DGKB: variants seen among roughly 807,000 people sequenced by gnomAD.
DGKB encodes 90 kDa diacylglycerol kinase.
A neutral mutation model predicts 114.3 loss-of-function variants in DGKB; 67 were observed. The observed-to-expected ratio is 0.59, with a 90% confidence interval of 0.48 to 0.72. The LOEUF is 0.72. Among genes scored for constraint, DGKB ranks in the 30% least tolerant of loss-of-function variants. The pLI is 0.00. For missense variants in DGKB, 907 were observed against 975.2 expected (o/e 0.93, Z 0.93); for synonymous variants, 398 against 323.1 (o/e 1.23, Z -2.49).
At chr7:14,432,976 A>G (rs1828692108) in intron 21 of DGKB, among the ~76,000 whole-genome samples, 1 of 152,190 alleles carries the variant, frequency 6.6e-6, no homozygotes, top group African/African-American at 2.4e-5. Flanking sequence ...TAATAAACAC[A>G]CATGGTAAGA....
At chr7:14,557,810 A>G (rs901181072) in intron 20 of DGKB, among the ~76,000 whole-genome samples, 10 of 151,550 alleles carry the variant, frequency 6.6e-5, no homozygotes, top group Admixed American at 4.6e-4. Flanking sequence ...TTCCAAATTT[A>G]TTTCATTGTC....
intron 17 of DGKB, among the ~76,000 whole-genome samples, chr7:14,603,906 A>G (rs989940391): frequency 6.6e-6 from 1 of 152,156 alleles, no homozygotes; most frequent in Admixed American, 6.6e-5. Flanking sequence ...GAAGGGGAAA[A>G]GTAATGTCAC....
In DGKB at chr7:14,200,777, C is replaced by T. The variant is rs146175701; in HGVS notation, c.2123-22626G>A. ...TAAAAAAAACGTAATGTAGCATTGT[C>T]AAAAAGGGAGAGTGTTTAACTCTAT... On this transcript the variant is annotated intron_variant, in intron 23 of 25. Coordinates refer to ENST00000402815, the MANE Select transcript of DGKB (RefSeq NM_001350709.2). 3.7e-3 allele frequency among the ~76,000 whole-genome samples: 564 copies of T among 151,842 alleles called. 1 individual carries two copies. Among genetic ancestry groups the T allele is most frequent in the African/African-American group, 0.013 (537 of 41,452 alleles).
At chr7:14,973,467 T>C (rs1377442481) in intron 1 of DGKB, among the ~76,000 whole-genome samples, 1 of 151,516 alleles carries the variant, frequency 6.6e-6, no homozygotes, top group Non-Finnish European at 1.5e-5. Flanking sequence ...AATCATACTA[T>C]TTCTTTTTGT....
At chr7:14,539,677 C>T (rs190712172) in intron 20 of DGKB, among the ~76,000 whole-genome samples, 45 of 152,166 alleles carry the variant, frequency 3.0e-4, no homozygotes, top group African/African-American at 9.9e-4. Context: ...AAGCACAGTC[C>T]TAGAATGGCT....
intron 23 of DGKB, among the ~76,000 whole-genome samples, chr7:14,228,879 T>G (rs1791257870): frequency 7.9e-6 from 1 of 127,204 alleles, no homozygotes; most frequent in South Asian, 2.4e-4. Context: ...GCATCAGTTT[T>G]TTTTCTGTGT....
chr7:14,944,283 T>C (rs1433423998), intron 1 of DGKB, among the ~76,000 whole-genome samples: 1 of 151,890 alleles, frequency 6.6e-6, no homozygotes, highest in East Asian at 1.9e-4. Context: ...ATTTATTTTG[T>C]ATCATTTAAC....
At chr7:14,173,264 A>T (rs192765798) in intron 25 of DGKB, among the ~76,000 whole-genome samples, 1 of 152,300 alleles carries the variant, frequency 6.6e-6, no homozygotes, top group East Asian at 1.9e-4. Flanking sequence ...CTGATCTTTG[A>T]ACTCAATATT....
At chr7:14,899,907 T>C (rs1040868393) in intron 1 of DGKB, among the ~76,000 whole-genome samples, 2 of 152,158 alleles carry the variant, frequency 1.3e-5, no homozygotes, top group Non-Finnish European at 2.9e-5. Context: ...GTTAGTCACA[T>C]CGAGTGGTAA....
chr7:14,413,070 G>T (rs1433478169), intron 21 of DGKB, among the ~76,000 whole-genome samples: 2 of 152,038 alleles, frequency 1.3e-5, no homozygotes, highest in Non-Finnish European at 2.9e-5. Flanking sequence ...GACTAGGATG[G>T]AGTGAAATGG....
At chr7:14,767,141 T>A (rs1317968814) in intron 2 of DGKB, among the ~76,000 whole-genome samples, 10 of 150,346 alleles carry the variant, frequency 6.7e-5, no homozygotes, top group African/African-American at 1.7e-4. Context: ...TAAATTTTTT[T>A]AAAAAAAGAG....
intron 21 of DGKB, among the ~76,000 whole-genome samples, chr7:14,461,545 C>T (rs1833085005): frequency 6.6e-6 from 1 of 152,044 alleles, no homozygotes; most frequent in Non-Finnish European, 1.5e-5. Context: ...CCTCCCAAGA[C>T]TAAACCAGGA....
chr7:14,615,611 T>G (rs1806367185), intron 15 of DGKB, among the ~76,000 whole-genome samples: 1 of 151,934 alleles, frequency 6.6e-6, no homozygotes, highest in South Asian at 2.1e-4. Flanking sequence ...ATTTAAAGAA[T>G]TTAGAGCAAT....
intron 2 of DGKB, among the ~76,000 whole-genome samples, chr7:14,817,235 A>G (rs1480818284): frequency 2.0e-5 from 3 of 152,178 alleles, no homozygotes; most frequent in African/African-American, 7.2e-5. Context: ...TGTTATTGAG[A>G]TATTTTAGTT....
intron 21 of DGKB, among the ~76,000 whole-genome samples, chr7:14,385,669 G>A (rs1820216731): frequency 6.6e-6 from 1 of 152,128 alleles, no homozygotes; most frequent in Admixed American, 6.5e-5. Context: ...GTGATCAAAT[G>A]CATAAAGCAA....
At chr7:14,761,599 A>G (rs1385714580) in intron 2 of DGKB, among the ~76,000 whole-genome samples, 2 of 152,184 alleles carry the variant, frequency 1.3e-5, no homozygotes. Context: ...GGACAAAATA[A>G]ACAGAGGAAG....
intron 21 of DGKB, among the ~76,000 whole-genome samples, chr7:14,350,453 G>T (rs1457225721): frequency 1.3e-5 from 2 of 151,894 alleles, no homozygotes; most frequent in African/African-American, 2.4e-5. Flanking sequence ...AGAATAAAAA[G>T]TAACCTAATT....
At chr7:14,248,898 G>C (rs1227673088) in intron 23 of DGKB, among the ~76,000 whole-genome samples, 3 of 152,122 alleles carry the variant, frequency 2.0e-5, no homozygotes, top group Non-Finnish European at 4.4e-5. Flanking sequence ...AGTGTTGAGA[G>C]AGAGCAGTCT....
chr7:14,925,297 A>T (rs1784692523), intron 1 of DGKB, among the ~76,000 whole-genome samples: 1 of 152,202 alleles, frequency 6.6e-6, no homozygotes. Context: ...TGAGGAGTAA[A>T]ACCATTGAGT....
Sources: gnomAD v4.1 joint callset for allele counts (sites outside exome capture counted in the v4.1 genomes callset) on GRCh38, gnomAD v4.1.1 for gene constraint, MANE v1.5 for transcripts, NCBI Gene and HGNC (gene_info 2026-07-23, HGNC 2026-07-21) for gene names.